LNX1: variants seen among roughly 807,000 people sequenced by gnomAD.
The protein encoded by LNX1 is E3 ubiquitin-protein ligase LNX.
Under a neutral mutation model 68.4 loss-of-function variants are expected in LNX1, and 54 were observed. That is an observed-to-expected ratio of 0.79 (90% confidence interval 0.63 to 0.99). LNX1 has a LOEUF of 0.99. LNX1 is among the 50% of genes least tolerant of loss of function. LNX1 has a pLI of 0.00. For missense variants in LNX1, 906 were observed against 926.4 expected, an observed-to-expected ratio of 0.98 and a Z score of 0.29; for synonymous variants, 336 against 350.0, an observed-to-expected ratio of 0.96 and a Z score of 0.45.
At chr4:53,636,125 G>A (rs1734464061) in intron 1 of LNX1, among the ~76,000 whole-genome samples, 2 of 145,912 alleles carry the variant, frequency 1.4e-5, no homozygotes, top group Non-Finnish European at 3.0e-5. Context: ...GACAATGCCT[G>A]CAATTCAGAG....
chr4:53,542,655 A>G (rs1449938418), intron 2 of LNX1, among the ~76,000 whole-genome samples: 4 of 152,366 alleles, frequency 2.6e-5, no homozygotes, highest in East Asian at 3.9e-4. Flanking sequence ...GAGAAAATCC[A>G]TGACAAAGAC....
At chr4:53,534,452 C>G (rs1728229765) in intron 2 of LNX1, among the ~76,000 whole-genome samples, 1 of 152,024 alleles carries the variant, frequency 6.6e-6, no homozygotes, top group Non-Finnish European at 1.5e-5. Flanking sequence ...GCCTGGGCAA[C>G]ATAGCAAGAC....
At chr4:53,539,508 G>A (rs557066068) in intron 2 of LNX1, among the ~76,000 whole-genome samples, 1 of 152,198 alleles carries the variant, frequency 6.6e-6, no homozygotes, top group South Asian at 2.1e-4. Context: ...TGGGACTACA[G>A]GCATGTGCCA....
intron 2 of LNX1, among the ~76,000 whole-genome samples, chr4:53,509,142 A>G (rs150762733): frequency 6.6e-6 from 1 of 152,182 alleles, no homozygotes; most frequent in African/African-American, 2.4e-5. Flanking sequence ...TTTGGTCAGG[A>G]AATGGTGATT....
At position 53,504,907 on chromosome 4, in the gene LNX1, C is replaced by T. The variant is rs547618190; in HGVS notation, c.775+2410G>A. The stretch of plus-strand genomic sequence containing the variant: ...CACGCTAAAACAATTACAATAGTAA[C>T]GCCAAAGATAACTGATCACATGTCA... On this transcript the variant is annotated intron_variant, in intron 4 of 10. Coordinates refer to ENST00000263925, the MANE Select transcript of LNX1 (RefSeq NM_001126328.3). Among the ~76,000 whole-genome samples, 7 of 152,128 alleles carry T rather than the reference C, an allele frequency of 4.6e-5. No individual in the cohort carries two copies. In the South Asian group the frequency reaches 1.2e-3, roughly 27 times the overall value.
intron 2 of LNX1, among the ~76,000 whole-genome samples, chr4:53,562,001 A>G (rs1730326494): frequency 6.6e-6 from 1 of 152,248 alleles, no homozygotes. Context: ...GTATGTTTTC[A>G]ACTTCTCTCT....
chr4:53,650,001 A>G (rs1735032683), intron 1 of LNX1, among the ~76,000 whole-genome samples: 1 of 152,204 alleles, frequency 6.6e-6, no homozygotes, highest in Admixed American at 6.5e-5. Context: ...CTGCCCAAAT[A>G]GTAGTTTTCA....
chr4:53,557,764 T>A, intron 2 of LNX1: 1 of 1,293,208 alleles, frequency 7.7e-7, no homozygotes, highest in Non-Finnish European at 1.1e-6. Context: ...CAAGTGCATC[T>A]AGTATGTGTG....
At chr4:53,641,726 A>G (rs528577379) in intron 1 of LNX1, among the ~76,000 whole-genome samples, 1 of 152,320 alleles carries the variant, frequency 6.6e-6, no homozygotes, top group African/African-American at 2.4e-5. Flanking sequence ...TCTGCTTTCT[A>G]TAACTAGACT....
chr4:53,535,824 C>G (rs1728333870), intron 2 of LNX1, among the ~76,000 whole-genome samples: 1 of 152,164 alleles, frequency 6.6e-6, no homozygotes, highest in Non-Finnish European at 1.5e-5. Flanking sequence ...TCTGTTGGCA[C>G]AGTTCATGAG....
intron 2 of LNX1, among the ~76,000 whole-genome samples, chr4:53,532,876 T>C (rs1728114544): frequency 6.6e-6 from 1 of 151,646 alleles, no homozygotes. Flanking sequence ...GCCCAGGAAG[T>C]TGCTGCCAGC....
chr4:53,465,939 A>G (rs529998609), intron 9 of LNX1, among the ~76,000 whole-genome samples: 1 of 152,342 alleles, frequency 6.6e-6, no homozygotes, highest in Admixed American at 6.5e-5. Flanking sequence ...CAAAGTATAG[A>G]GTTTGTGCAT....
chr4:53,559,112 TA>T (rs1001897930), intron 2 of LNX1, among the ~76,000 whole-genome samples: 3 of 152,310 alleles, frequency 2.0e-5, no homozygotes, highest in Non-Finnish European at 4.4e-5. Context: ...CAAGCCATGA[TA>T]GCAAACTCCA....
chr4:53,540,638 C>T lies in LNX1; in HGVS notation c.381-32411G>A, dbSNP rs1186364318. On this transcript the variant is annotated intron_variant, in intron 2 of 10. Transcript: ENST00000263925. ...GGGAGGTTGCAGCGAGCCGAGATTG[C>T]GCCACTGCACTCCAGCCTGGGCAAC... is the stretch of plus-strand genomic sequence containing the variant. Among the ~76,000 whole-genome samples the T allele has an allele frequency of 3.3e-5, 5 of 151,712 alleles. No homozygotes were observed. In the South Asian group the frequency reaches 6.3e-4, roughly 19 times the overall value.
chr4:53,541,220 T>C (rs754496849), intron 2 of LNX1, among the ~76,000 whole-genome samples: 7 of 151,678 alleles, frequency 4.6e-5, no homozygotes, highest in Non-Finnish European at 1.0e-4. Context: ...CAGGATTCTC[T>C]AGTGAGTGGG....
At chr4:53,492,459 C>T (rs1197296269) in intron 6 of LNX1, among the ~76,000 whole-genome samples, 2 of 141,896 alleles carry the variant, frequency 1.4e-5, no homozygotes, top group African/African-American at 2.6e-5. Flanking sequence ...GCCATAGTAA[C>T]GATCTGCAAC....
rs189934307 is a variant in LNX1 at position 53,525,801 on chromosome 4, C to T, written c.381-17574G>A. The stretch of plus-strand genomic sequence containing the variant: ...CAGTATCTCCCTTTCAGGGAGGGCA[C>T]TCTGAAGGCCAGGAAAGGGCTGTGT... On this transcript the variant is annotated intron_variant, in intron 2 of 10. Coordinates refer to ENST00000263925, the MANE Select transcript of LNX1 (RefSeq NM_001126328.3). Among the ~76,000 whole-genome samples, 44 of 152,288 alleles carry T rather than the reference C, an allele frequency of 2.9e-4. 1 individual carries two copies. Among genetic ancestry groups the T allele is most frequent in the Admixed American group, 2.4e-3 (36 of 15,304 alleles).
intron 1 of LNX1, among the ~76,000 whole-genome samples, chr4:53,649,285 C>T (rs1336370070): frequency 6.6e-6 from 1 of 152,170 alleles, no homozygotes; most frequent in African/African-American, 2.4e-5. Flanking sequence ...TTTCCATATG[C>T]TATGCATTTT....
intron 9 of LNX1, among the ~76,000 whole-genome samples, chr4:53,463,718 A>T (rs1433979414): frequency 6.6e-6 from 1 of 152,164 alleles, no homozygotes; most frequent in Non-Finnish European, 1.5e-5. Flanking sequence ...CCTCAAGAAC[A>T]AATTTAATGA....
Sources: allele counts gnomAD v4.1 joint callset (sites outside exome capture counted in the v4.1 genomes callset), GRCh38; gene constraint gnomAD v4.1.1; transcripts MANE v1.5; gene names NCBI Gene and HGNC (gene_info 2026-07-23, HGNC 2026-07-21).